MDGA2: variants seen among roughly 807,000 people sequenced by gnomAD.
The protein encoded by MDGA2 is MAM domain containing glycosylphosphatidylinositol anchor 2.
A neutral mutation model predicts 117.8 loss-of-function variants in MDGA2; 40 were observed. The observed-to-expected ratio is 0.34, with a 90% CI of 0.26 to 0.44. MDGA2 has a LOEUF of 0.44. Among genes scored for constraint, MDGA2 ranks in the 20% least tolerant of loss-of-function variants. The pLI is 1.00. For synonymous variants in MDGA2, 452 were observed against 439.0 expected (o/e 1.03, Z -0.37); for missense variants, 1,123 against 1,250.6 (o/e 0.90, Z 1.54).
chr14:47,175,560 CT>C (rs1342090406), intron 3 of MDGA2, among the ~76,000 whole-genome samples: 4 of 151,904 alleles, frequency 2.6e-5, no homozygotes, highest in African/African-American at 9.7e-5. Flanking sequence ...ACATGATTAT[CT>C]CAATAGATGC....
chr14:47,209,872 C>G (rs1228350757), intron 3 of MDGA2, among the ~76,000 whole-genome samples: 3 of 152,082 alleles, frequency 2.0e-5, no homozygotes, highest in African/African-American at 2.4e-5. Flanking sequence ...AAACCCAAGG[C>G]TGATGTTTTG....
intron 3 of MDGA2, among the ~76,000 whole-genome samples, chr14:47,205,759 C>T (rs1245757874): frequency 6.6e-6 from 1 of 151,928 alleles, no homozygotes; most frequent in Non-Finnish European, 1.5e-5. Context: ...GAAATGGAAC[C>T]GTGATCTTCT....
intron 1 of MDGA2, among the ~76,000 whole-genome samples, chr14:47,481,012 T>C (rs1206253831): frequency 6.6e-6 from 1 of 151,936 alleles, no homozygotes; most frequent in Non-Finnish European, 1.5e-5. Context: ...CCTGAGAAAT[T>C]ATGTCTTTAT....
At chr14:47,344,096 C>T (rs1056865473) in intron 1 of MDGA2, among the ~76,000 whole-genome samples, 2 of 152,166 alleles carry the variant, frequency 1.3e-5, no homozygotes, top group Non-Finnish European at 2.9e-5. Context: ...CCCTCATTTT[C>T]TTTACAATTT....
chr14:47,065,462 T>A (rs996846947), intron 6 of MDGA2, among the ~76,000 whole-genome samples: 1 of 152,144 alleles, frequency 6.6e-6, no homozygotes, highest in African/African-American at 2.4e-5. Flanking sequence ...AATGGAAGAC[T>A]CCTGTTATGT....
chr14:47,139,176 G>A (rs1450652145), intron 4 of MDGA2, among the ~76,000 whole-genome samples: 2 of 151,978 alleles, frequency 1.3e-5, no homozygotes, highest in African/African-American at 2.4e-5. Flanking sequence ...TAAAACTTAA[G>A]TAGACATATG....
At chr14:47,341,720 G>A (rs867383174) in intron 1 of MDGA2, among the ~76,000 whole-genome samples, 14 of 151,984 alleles carry the variant, frequency 9.2e-5, no homozygotes, top group Non-Finnish European at 1.6e-4. Flanking sequence ...AAATATTTTT[G>A]TGCAGTTATC....
At chr14:47,000,585 T>C (rs996329077) in intron 8 of MDGA2, among the ~76,000 whole-genome samples, 2 of 150,886 alleles carry the variant, frequency 1.3e-5, no homozygotes, top group East Asian at 1.9e-4. Context: ...GCAAATGGCA[T>C]AGAATGATTA....
chr14:47,300,632 G>T (rs930963446), intron 2 of MDGA2, among the ~76,000 whole-genome samples: 3 of 151,860 alleles, frequency 2.0e-5, no homozygotes, highest in Non-Finnish European at 2.9e-5. Context: ...TGAGACTACG[G>T]GTGTGCAACA....
chr14:47,212,068 T>A (rs552960230), intron 3 of MDGA2, among the ~76,000 whole-genome samples: 3 of 152,302 alleles, frequency 2.0e-5, no homozygotes, highest in Admixed American at 2.0e-4. Context: ...AGTTATTTTT[T>A]AAAATATTTT....
At chr14:46,959,388 C>T (rs1193561984) in intron 8 of MDGA2, among the ~76,000 whole-genome samples, 12 of 148,480 alleles carry the variant, frequency 8.1e-5, no homozygotes, top group African/African-American at 2.7e-4. Flanking sequence ...GATATTTTTC[C>T]ATCCTTTTAA....
chr14:46,945,667 C>T (rs796928161), intron 9 of MDGA2, among the ~76,000 whole-genome samples: 16 of 152,154 alleles, frequency 1.1e-4, no homozygotes, highest in African/African-American at 2.4e-4. Context: ...AATCCATGCT[C>T]GGCTTGGAAT....
At position 47,301,636 on chromosome 14, in the gene MDGA2, T is replaced by C. The variant is rs1889289313; in HGVS notation, c.281-86A>G. On this transcript the variant is annotated intron_variant, in intron 1 of 16. Transcript: ENST00000399232. ...TGAACCATCTTGACTATAAAAGCAATTCTTATTAGACTTCACCATAGTCAG... is the reference window on the plus strand; with the variant it reads ...TGAACCATCTTGACTATAAAAGCAACTCTTATTAGACTTCACCATAGTCAG... 3 of 1,398,410 alleles carry C rather than the reference T, an allele frequency of 2.1e-6. No individual in the cohort carries two copies. In the South Asian group the frequency reaches 3.9e-5, roughly 18 times the overall value. 86.6% of individuals were successfully genotyped at this position (1,398,410 alleles called of 1,614,324 possible).
chr14:47,651,491 G>A (rs1897643706), intron 1 of MDGA2, among the ~76,000 whole-genome samples: 1 of 152,072 alleles, frequency 6.6e-6, no homozygotes, highest in African/African-American at 2.4e-5. Context: ...GAGTGTGTGA[G>A]AATGATAGTA....
chr14:47,159,103 C>T (rs933998420), intron 3 of MDGA2, among the ~76,000 whole-genome samples: 1 of 152,142 alleles, frequency 6.6e-6, no homozygotes, highest in Non-Finnish European at 1.5e-5. Context: ...CTGTGTGATA[C>T]TAAAATGGTG....
intron 2 of MDGA2, among the ~76,000 whole-genome samples, chr14:47,244,163 T>G (rs911741518): frequency 1.3e-5 from 2 of 151,842 alleles, no homozygotes; most frequent in Non-Finnish European, 2.9e-5. Context: ...GTGCCTGACA[T>G]GTAGTAGTCT....
At chr14:47,491,907 G>A (rs1019118652) in intron 1 of MDGA2, among the ~76,000 whole-genome samples, 1 of 151,958 alleles carries the variant, frequency 6.6e-6, no homozygotes, top group Non-Finnish European at 1.5e-5. Context: ...CAGTGTTGGG[G>A]TAGTGTTTTC....
intron 2 of MDGA2, among the ~76,000 whole-genome samples, chr14:47,278,616 T>C (rs1181744905): frequency 6.6e-6 from 1 of 152,170 alleles, no homozygotes; most frequent in Non-Finnish European, 1.5e-5. Context: ...CAGATTAGAA[T>C]GAGATTATTT....
chr14:47,536,038 C>T (rs1347936424), intron 1 of MDGA2, among the ~76,000 whole-genome samples: 1 of 152,192 alleles, frequency 6.6e-6, no homozygotes, highest in East Asian at 1.9e-4. Context: ...CCAGGCATAC[C>T]TTGAAAGTCA....
Sources: allele counts gnomAD v4.1 joint callset (sites outside exome capture counted in the v4.1 genomes callset), GRCh38; gene constraint gnomAD v4.1.1; transcripts MANE v1.5; gene names NCBI Gene and HGNC (gene_info 2026-07-23, HGNC 2026-07-21).